The following SLC6A11 variants were observed in gnomAD, a reference collection of about 807,000 sequenced individuals.
SLC6A11 encodes sodium- and chloride-dependent GABA transporter 3.
Under a neutral mutation model 74.8 loss-of-function variants are expected in SLC6A11, and 25 were observed. The observed-to-expected ratio is 0.33, with a 90% CI of 0.24 to 0.47. SLC6A11 has a LOEUF of 0.47. SLC6A11 is among the 20% of genes least tolerant of loss of function. The pLI is 1.00. For synonymous variants in SLC6A11, 330 were observed against 330.2 expected, an observed-to-expected ratio of 1.00 and a Z score of 0.01; for missense variants, 574 against 837.0, an observed-to-expected ratio of 0.69 and a Z score of 3.88.
intron 8 of SLC6A11, among the ~76,000 whole-genome samples, chr3:10,921,966 G>T (rs75780431): frequency 0.017 from 2,585 of 152,264 alleles, 88 homozygotes; most frequent in East Asian, 0.16. Context: ...GCAGAGATTT[G>T]TTATATAGGG....
At chr3:10,837,032 T>C (rs1694376035) in intron 4 of SLC6A11, among the ~76,000 whole-genome samples, 1 of 151,992 alleles carries the variant, frequency 6.6e-6, no homozygotes, top group African/African-American at 2.4e-5. Context: ...GGCCTGGGAG[T>C]CCCTGGTACA....
At chr3:10,829,880 C>T (rs535077147) in intron 4 of SLC6A11, among the ~76,000 whole-genome samples, 1 of 152,306 alleles carries the variant, frequency 6.6e-6, no homozygotes, top group South Asian at 2.1e-4. Flanking sequence ...TTGTTTCCCA[C>T]TCACAGTAGG....
chr3:10,883,901 C>T (rs1048548761), intron 6 of SLC6A11, among the ~76,000 whole-genome samples: 5 of 152,128 alleles, frequency 3.3e-5, no homozygotes, highest in Non-Finnish European at 7.3e-5. Context: ...GGTTTCCTTT[C>T]AATGTATTTG....
At chr3:10,931,435 C>T (rs938902220) in intron 10 of SLC6A11, among the ~76,000 whole-genome samples, 1 of 152,062 alleles carries the variant, frequency 6.6e-6, no homozygotes, top group Non-Finnish European at 1.5e-5. Flanking sequence ...AATACAAGCC[C>T]CGTACTCCAC....
At chr3:10,885,597 T>TA (rs35167441) in intron 6 of SLC6A11, among the ~76,000 whole-genome samples, 3,145 of 138,500 alleles carry the variant, frequency 0.023, 50 homozygotes, top group African/African-American at 0.036. Context: ...GCCCCCATGA[T>TA]AAAAAAAAAA....
chr3:10,900,186 A>G (rs1695223434), intron 6 of SLC6A11, among the ~76,000 whole-genome samples: 1 of 152,202 alleles, frequency 6.6e-6, no homozygotes, highest in African/African-American at 2.4e-5. Context: ...ACACACAGGA[A>G]CTTTAAGGGT....
At chr3:10,858,788 G>A (rs893892266) in intron 5 of SLC6A11, among the ~76,000 whole-genome samples, 2 of 152,118 alleles carry the variant, frequency 1.3e-5, no homozygotes, top group African/African-American at 4.8e-5. Flanking sequence ...AATTCAACAT[G>A]CACTTATTAA....
intron 6 of SLC6A11, among the ~76,000 whole-genome samples, chr3:10,904,776 T>C (rs1395086372): frequency 6.6e-6 from 1 of 152,170 alleles, no homozygotes; most frequent in Admixed American, 6.5e-5. Flanking sequence ...CAGGAGGTCC[T>C]AGCTTTTCTC....
rs1694062226 is a variant in SLC6A11 at position 10,816,574 on chromosome 3, G to T, written c.256+53G>T. The stretch of plus-strand genomic sequence containing the variant: ...GGGGCGCCAACCGCCCGGTGGGGGC[G>T]GGGAGCCAGGGGCGAGCGCGAGACC... On this transcript the variant is annotated intron_variant, in intron 1 of 13. Transcript: ENST00000254488. This position sits in a 1 kb window ranked among gnomAD's most constrained non-coding sequence, Gnocchi z 4.2. 1.3e-5 allele frequency: 19 copies of T among 1,479,872 alleles called. No homozygotes were observed. Among genetic ancestry groups the T allele is most frequent in the Non-Finnish European group, 1.6e-5 (18 of 1,109,388 alleles). 91.7% of individuals were successfully genotyped at this position (1,479,872 alleles called of 1,614,324 possible).
chr3:10,819,457 C>T lies in SLC6A11; in HGVS notation c.257-8C>T, dbSNP rs867659262. ...CAGTTTTCATTTCATTCCTTTGCAT[C>T]CTTACAGGGGCATTCCTGATTCCCT... is the stretch of plus-strand genomic sequence containing the variant. On this transcript the variant is annotated splice_region_variant and splice_polypyrimidine_tract_variant and intron_variant, in intron 1 of 13. Transcript: ENST00000254488. 2 of 1,603,436 alleles carry T rather than the reference C, an allele frequency of 1.2e-6. No individual in the cohort carries two copies. Among genetic ancestry groups the T allele is most frequent in the Non-Finnish European group, 1.7e-6 (2 of 1,177,260 alleles).
At chr3:10,922,164 C>T (rs1177757123) in intron 8 of SLC6A11, among the ~76,000 whole-genome samples, 1 of 152,162 alleles carries the variant, frequency 6.6e-6, no homozygotes, top group Non-Finnish European at 1.5e-5. Flanking sequence ...TCAGTGCCTG[C>T]AGAGCACAAT....
chr3:10,931,425 A>G (rs927445741), intron 10 of SLC6A11, among the ~76,000 whole-genome samples: 7 of 152,088 alleles, frequency 4.6e-5, no homozygotes, highest in African/African-American at 1.7e-4. Flanking sequence ...TTAACTCAGA[A>G]ATACAAGCCC....
intron 6 of SLC6A11, among the ~76,000 whole-genome samples, chr3:10,885,947 C>T (rs1380974988): frequency 6.6e-6 from 1 of 152,182 alleles, no homozygotes; most frequent in Non-Finnish European, 1.5e-5. Flanking sequence ...GCTCCCTTTC[C>T]AGCACTCCCA....
At chr3:10,886,616 G>A (rs1695045438) in intron 6 of SLC6A11, among the ~76,000 whole-genome samples, 1 of 152,178 alleles carries the variant, frequency 6.6e-6, no homozygotes, top group East Asian at 1.9e-4. Context: ...GGACCAGCCT[G>A]ACCAATATGA....
At chr3:10,844,474 G>A (rs1219354602) in intron 5 of SLC6A11, 128 bp downstream of exon 5, 5 of 1,114,412 alleles carry the variant, frequency 4.5e-6, no homozygotes. Flanking sequence ...GAGGAACACT[G>A]GACCAGAGTG....
chr3:10,889,746 T>C (rs1481852883), intron 6 of SLC6A11, among the ~76,000 whole-genome samples: 1 of 152,190 alleles, frequency 6.6e-6, no homozygotes, highest in African/African-American at 2.4e-5. Context: ...AGCACTGGTC[T>C]AAGAGAGCAC....
intron 4 of SLC6A11, among the ~76,000 whole-genome samples, chr3:10,841,763 C>T (rs1473598434): frequency 6.6e-6 from 1 of 152,204 alleles, no homozygotes; most frequent in African/African-American, 2.4e-5. Context: ...TTTCAGGTCC[C>T]AGGTTCAGAA....
Position 10,926,423 on chromosome 3 carries a change from T to C in SLC6A11, c.1233+307T>C, listed in dbSNP as rs992462193. The stretch of plus-strand genomic sequence containing the variant: ...TTCACATTTAGAAAAATTTGCTAAA[T>C]ACTTCCCTTCTGCTCAACCACTCCT... On this transcript the variant is annotated intron_variant, in intron 9 of 13. Transcript: ENST00000254488. This position sits in a 1 kb window ranked among gnomAD's most constrained non-coding sequence, Gnocchi z 5.7. Among the ~76,000 whole-genome samples, 3 of 152,208 alleles carry C rather than the reference T, an allele frequency of 2.0e-5. No individual in the cohort carries two copies. Among genetic ancestry groups the C allele is most frequent in the African/African-American group, 7.2e-5 (3 of 41,452 alleles).
At chr3:10,883,469 A>C (rs1695006601) in intron 6 of SLC6A11, among the ~76,000 whole-genome samples, 1 of 152,138 alleles carries the variant, frequency 6.6e-6, no homozygotes, top group Non-Finnish European at 1.5e-5. Context: ...TTCTCCGGGC[A>C]CTGGTGCACC....
Sources: allele counts gnomAD v4.1 joint callset (sites outside exome capture counted in the v4.1 genomes callset), GRCh38; gene constraint gnomAD v4.1.1; non-coding constraint Gnocchi (gnomAD v3.1); transcripts MANE v1.5; gene names NCBI Gene and HGNC (gene_info 2026-07-23, HGNC 2026-07-21).